Variants in ADGRL2 observed in about 807,000 individuals in gnomAD.
ADGRL2 encodes calcium-independent alpha-latrotoxin receptor 2.
A neutral mutation model predicts 157.4 loss-of-function variants in ADGRL2; 44 were observed. The ratio of observed to expected loss-of-function variants is 0.28; its 90% confidence interval spans 0.22 to 0.36. The LOEUF (loss-of-function observed/expected upper bound fraction) is 0.36, where lower values mean the gene tolerates loss of function less well. ADGRL2 is among the 10% of genes least tolerant of loss of function. ADGRL2 has a pLI of 1.00. For missense variants in ADGRL2, 1,510 were observed against 1,768.9 expected, an observed-to-expected ratio of 0.85 and a Z score of 2.63; for synonymous variants, 585 against 624.7, an observed-to-expected ratio of 0.94 and a Z score of 0.95.
chr1:81,824,708 T>A (rs2091297210), intron 1 of ADGRL2, among the ~76,000 whole-genome samples: 1 of 152,204 alleles, frequency 6.6e-6, no homozygotes, highest in Non-Finnish European at 1.5e-5. Context: ...TTTTTCAGTT[T>A]GAGGCAGTAA....
intron 1 of ADGRL2, among the ~76,000 whole-genome samples, chr1:81,436,756 A>G (rs928846201): frequency 2.6e-5 from 4 of 152,184 alleles, no homozygotes; most frequent in African/African-American, 9.7e-5. Flanking sequence ...AGTGAACCTC[A>G]CTTATGTGAA....
chr1:81,392,228 A>G (rs562708399), intron 1 of ADGRL2, among the ~76,000 whole-genome samples: 15 of 9,216 alleles, frequency 1.6e-3, no homozygotes, highest in Non-Finnish European at 9.0e-3. Flanking sequence ...CCATCCCCAC[A>G]AAAAAAAAAA....
chr1:81,580,648 A>G (rs1470470827), intron 2 of ADGRL2, among the ~76,000 whole-genome samples: 5 of 152,192 alleles, frequency 3.3e-5, no homozygotes, highest in Non-Finnish European at 7.4e-5. Flanking sequence ...GAAGCCCTTG[A>G]TGATTATGTT....
chr1:81,382,371 T>C (rs1184906600), intron 1 of ADGRL2, among the ~76,000 whole-genome samples: 1 of 152,186 alleles, frequency 6.6e-6, no homozygotes, highest in Non-Finnish European at 1.5e-5. Flanking sequence ...TTTAAAATAA[T>C]AACAATCTGA....
rs963805147 is a variant in ADGRL2, at chr1:81,873,467, A to T, written c.74-33550A>T. 1.2e-4 allele frequency among the ~76,000 whole-genome samples: 19 copies of T among 152,120 alleles called. 1 individual carries two copies. Among genetic ancestry groups the T allele is most frequent in the Admixed American group, 6.6e-5 (1 of 15,252 alleles). On this transcript the variant is annotated intron_variant, in intron 2 of 23. Transcript: ENST00000686636. ...AGAGGTAATTCTGATTGAAATGTAA[A>T]AAAACCATTTTACTTGAACATTATA...
chr1:81,815,043 G>A (rs1038757236), intron 1 of ADGRL2, among the ~76,000 whole-genome samples: 4 of 151,538 alleles, frequency 2.6e-5, no homozygotes, highest in African/African-American at 9.7e-5. Flanking sequence ...TAATATTTGT[G>A]TGTTATACAT....
chr1:81,796,470 C>T (rs528781237), upstream of ADGRL2, among the ~76,000 whole-genome samples: 2 of 152,064 alleles, frequency 1.3e-5, no homozygotes, highest in Non-Finnish European at 2.9e-5. Context: ...ATAAAATTCT[C>T]AAGATGCAGA....
intron 2 of ADGRL2, among the ~76,000 whole-genome samples, chr1:81,906,499 C>T (rs2094587070): frequency 6.6e-6 from 1 of 151,948 alleles, no homozygotes; most frequent in African/African-American, 2.4e-5. Flanking sequence ...AGTTATTGTG[C>T]CATAAGCATC....
chr1:81,709,042 T>C (rs1035370931), intron 1 of ADGRL2, among the ~76,000 whole-genome samples: 4 of 152,146 alleles, frequency 2.6e-5, no homozygotes, highest in Admixed American at 6.5e-5. Flanking sequence ...TAGGTTACTA[T>C]AGTTCATCGA....
intron 3 of ADGRL2, among the ~76,000 whole-genome samples, chr1:81,666,336 C>G (rs1290884000): frequency 6.6e-6 from 1 of 152,062 alleles, no homozygotes; most frequent in Non-Finnish European, 1.5e-5. Context: ...TTTCCATGCC[C>G]CTCTGTATTT....
intron 3 of ADGRL2, among the ~76,000 whole-genome samples, chr1:81,590,578 G>A (rs1359306): frequency 0.72 from 109,192 of 151,926 alleles, 39,507 homozygotes; most frequent in African/African-American, 0.78. Context: ...AAGAAGGACT[G>A]TGCTTCTCCA....
intron 1 of ADGRL2, among the ~76,000 whole-genome samples, chr1:81,306,869 C>T (rs908754564): frequency 4.6e-5 from 5 of 107,632 alleles, no homozygotes; most frequent in African/African-American, 7.7e-5. Flanking sequence ...AAAATTCAAC[C>T]GTAACAAATT....
At chr1:81,354,795 G>A (rs557462590) in intron 1 of ADGRL2, among the ~76,000 whole-genome samples, 19 of 152,122 alleles carry the variant, frequency 1.2e-4, no homozygotes, top group Non-Finnish European at 1.3e-4. Context: ...TGTATTCCTC[G>A]CTGTCAACTA....
chr1:81,848,621 A>G (rs1455490871), intron 2 of ADGRL2, among the ~76,000 whole-genome samples: 1 of 151,928 alleles, frequency 6.6e-6, no homozygotes, highest in South Asian at 2.1e-4. Flanking sequence ...CTTAATGTTT[A>G]TTACCATTTT....
At chr1:81,703,441 T>C (rs2083637560) in intron 1 of ADGRL2, among the ~76,000 whole-genome samples, 1 of 152,088 alleles carries the variant, frequency 6.6e-6, no homozygotes, top group Non-Finnish European at 1.5e-5. Context: ...TTGTTGTTGT[T>C]GTCTTATTCC....
At position 81,333,410 on chromosome 1, in the gene ADGRL2, A is replaced by ATTT. The variant is rs1553154285; in HGVS notation, c.-302+26901_-302+26902insTTT. ...TGACTTTTTAATTAATTAATTAATT[A>ATTT]ATTTATTTATTTATTTATTTTTTGA... On this transcript the variant is annotated intron_variant, in intron 1 of 24. Transcript: ENST00000370721. 8.0e-3 allele frequency among the ~76,000 whole-genome samples: 1,192 copies of ATTT among 149,288 alleles called. 8 individuals carry two copies. The highest frequency in any genetic ancestry group is 0.016 in the African/African-American group (633 of 40,660).
intron 1 of ADGRL2, among the ~76,000 whole-genome samples, chr1:81,418,326 CA>C (rs1395325273): frequency 2.6e-5 from 4 of 152,168 alleles, no homozygotes; most frequent in African/African-American, 7.2e-5. Flanking sequence ...AATTTTGTGG[CA>C]AAAACCCTCC....
intron 1 of ADGRL2, among the ~76,000 whole-genome samples, chr1:81,419,768 A>G (rs2077093891): frequency 1.3e-5 from 2 of 152,192 alleles, no homozygotes; most frequent in Admixed American, 1.3e-4. Flanking sequence ...AGAATCACAA[A>G]TGCTGTAGTG....
intron 22 of ADGRL2, chr1:81,987,433 G>T (rs1377819258): frequency 3.6e-6 from 3 of 829,618 alleles, no homozygotes. Flanking sequence ...AAGATAATTT[G>T]GATGCCTAGC....
Sources: allele counts gnomAD v4.1 joint callset (sites outside exome capture counted in the v4.1 genomes callset), GRCh38; gene constraint gnomAD v4.1.1; transcripts MANE v1.5; gene names NCBI Gene and HGNC (gene_info 2026-07-23, HGNC 2026-07-21).